The following CDYL variants were observed in gnomAD, a reference collection of about 807,000 sequenced individuals.
The protein encoded by CDYL is chromodomain Y-like protein.
Under a neutral mutation model 47.3 loss-of-function variants are expected in CDYL, and 8 were observed. The ratio of observed to expected loss-of-function variants is 0.17; its 90% CI spans 0.10 to 0.31. The LOEUF (loss-of-function observed/expected upper bound fraction) is 0.31. Among genes scored for constraint, CDYL ranks in the 10% least tolerant of loss-of-function variants. CDYL has a pLI of 1.00. For missense variants in CDYL, 471 were observed against 701.4 expected (o/e 0.67, Z 3.71); for synonymous variants, 266 against 265.0 (o/e 1.00, Z -0.04).
intron 1 of CDYL, among the ~76,000 whole-genome samples, chr6:4,821,386 T>C (rs1759833112): frequency 6.8e-6 from 1 of 148,066 alleles, no homozygotes; most frequent in Non-Finnish European, 1.5e-5. Context: ...CAAGTGATTC[T>C]CCTGCCTCAG....
intron 1 of CDYL, among the ~76,000 whole-genome samples, chr6:4,808,025 C>T (rs1218942402): frequency 6.6e-6 from 1 of 152,036 alleles, no homozygotes; most frequent in Non-Finnish European, 1.5e-5. Context: ...CAGTTTGGGT[C>T]CTATGTCCTT....
intron 1 of CDYL, among the ~76,000 whole-genome samples, chr6:4,801,912 A>G (rs1368339449): frequency 6.6e-6 from 1 of 152,220 alleles, no homozygotes; most frequent in Non-Finnish European, 1.5e-5. Flanking sequence ...TGGTTTCCTC[A>G]GCACATATGT....
At chr6:4,819,160 C>CTGTG (rs1242099604) in intron 1 of CDYL, among the ~76,000 whole-genome samples, 3 of 124,032 alleles carry the variant, frequency 2.4e-5, no homozygotes, top group African/African-American at 8.9e-5. Context: ...CTCTCTCTCT[C>CTGTG]TCTGTGTGTG....
intron 2 of CDYL, among the ~76,000 whole-genome samples, chr6:4,907,643 T>C (rs1392256122): frequency 1.3e-5 from 2 of 152,324 alleles, no homozygotes; most frequent in South Asian, 2.1e-4. Flanking sequence ...CCAAAGTGCC[T>C]GTAATAGGCA....
intron 4 of CDYL, among the ~76,000 whole-genome samples, chr6:4,938,231 TTG>T (rs1227592681): frequency 8.3e-6 from 1 of 121,168 alleles, no homozygotes; most frequent in African/African-American, 2.8e-5. Context: ...GTTTTTTTTG[TTG>T]TTTTTTTTTT....
At chr6:4,944,922 C>T (rs1216612823) in intron 5 of CDYL, among the ~76,000 whole-genome samples, 2 of 152,142 alleles carry the variant, frequency 1.3e-5, no homozygotes, top group Non-Finnish European at 2.9e-5. Context: ...TTCGTCGCTG[C>T]GTGGGATTTC....
rs1210410040 is a variant in CDYL, at chr6:4,894,896, T to TAC, written c.691+2522_691+2523dup. ...ACACATGTGTATGTGTGTGTATATATACACACGTACGTGTGTATATATACA... is the reference window on the plus strand; with the variant it reads ...ACACATGTGTATGTGTGTGTATATATACACACACGTACGTGTGTATATATACA... On this transcript the variant is annotated intron_variant, in intron 2 of 6. Coordinates refer to ENST00000397588, the MANE Select transcript of CDYL (RefSeq NM_004824.4). 4.7e-5 allele frequency among the ~76,000 whole-genome samples: 7 copies of TAC among 150,372 alleles called. No individual in the cohort carries two copies. The East Asian group carries it at 1.2e-3, about 25-fold the overall frequency.
chr6:4,808,203 C>T (rs1207229697), intron 1 of CDYL, among the ~76,000 whole-genome samples: 9 of 152,176 alleles, frequency 5.9e-5, no homozygotes, highest in Admixed American at 5.9e-4. Flanking sequence ...GTGCTTGTTG[C>T]CGTTGCCTCT....
chr6:4,854,338 C>T (rs1760941976), intron 1 of CDYL, among the ~76,000 whole-genome samples: 1 of 152,206 alleles, frequency 6.6e-6, no homozygotes, highest in Non-Finnish European at 1.5e-5. Flanking sequence ...GTTCACATCA[C>T]CCTGTTTATG....
At chr6:4,761,026 A>G (rs534089093) in intron 3 of CDYL, among the ~76,000 whole-genome samples, 14 of 152,322 alleles carry the variant, frequency 9.2e-5, no homozygotes, top group Middle Eastern at 3.4e-3. Context: ...TCTTCTGACT[A>G]TATTTCCAAC....
At chr6:4,907,039 T>C (rs1002592945) in intron 2 of CDYL, among the ~76,000 whole-genome samples, 1 of 152,244 alleles carries the variant, frequency 6.6e-6, no homozygotes, top group African/African-American at 2.4e-5. Context: ...CACTGGGTTT[T>C]CTTGATTATA....
chr6:4,779,956 G>GT (rs922620219), intron 1 of CDYL, among the ~76,000 whole-genome samples: 9 of 151,918 alleles, frequency 5.9e-5, no homozygotes, highest in South Asian at 2.1e-4. Context: ...ACACATTTGT[G>GT]TTTTTTTTCC....
At chr6:4,868,229 A>G (rs1045831667) in intron 1 of CDYL, among the ~76,000 whole-genome samples, 2 of 151,910 alleles carry the variant, frequency 1.3e-5, no homozygotes, top group African/African-American at 4.8e-5. Flanking sequence ...CTTTTATGAC[A>G]TAAGTGTTTA....
rs141972005 is a variant in CDYL at position 4,822,815 on chromosome 6, G to A, written c.24+46008G>A. Reference sequence around the variant, plus strand: ...CAGTCATGTAGACAACAACAAAACCGTCCTGTGTTTTGTTGTTCAGATGTG... The same window carrying A: ...CAGTCATGTAGACAACAACAAAACCATCCTGTGTTTTGTTGTTCAGATGTG... On this transcript the variant is annotated intron_variant, in intron 1 of 6. Coordinates refer to ENST00000397588, the MANE Select transcript of CDYL (RefSeq NM_004824.4). Among the ~76,000 whole-genome samples the A allele has an allele frequency of 2.1e-4, 32 of 152,274 alleles. No individual in the cohort carries two copies. The East Asian group carries it at 5.6e-3, about 27-fold the overall frequency.
intron 3 of CDYL, 137 bp from the exon 4 acceptor site, chr6:4,937,428 A>C (rs9502253): frequency 0.84 from 485,027 of 580,066 alleles, 203,324 homozygotes; most frequent in Non-Finnish European, 0.86. Flanking sequence ...CCCAGGAGTT[A>C]GAGAGCACAG....
intron 2 of CDYL, 23 bp downstream of exon 2, chr6:4,892,402 A>G (rs1430652285): frequency 1.3e-6 from 2 of 1,576,820 alleles, no homozygotes; most frequent in Admixed American, 1.7e-5. Flanking sequence ...GGAGCTGCTC[A>G]GGCTCCGTGG....
intron 1 of CDYL, among the ~76,000 whole-genome samples, chr6:4,777,181 C>T (rs114380137): frequency 0.015 from 2,237 of 149,910 alleles, 62 homozygotes; most frequent in African/African-American, 0.054. Flanking sequence ...GGGGGGGTTT[C>T]TGGATCATTT....
intron 1 of CDYL, among the ~76,000 whole-genome samples, chr6:4,789,572 A>G (rs908305886): frequency 3.3e-5 from 5 of 152,156 alleles, no homozygotes; most frequent in African/African-American, 9.7e-5. Flanking sequence ...TACCCAGTAC[A>G]GTCCTTGAGG....
chr6:4,933,253 C>T (rs991323792), intron 2 of CDYL, among the ~76,000 whole-genome samples: 1 of 152,102 alleles, frequency 6.6e-6, no homozygotes, highest in Non-Finnish European at 1.5e-5. Flanking sequence ...TCTCTCCAAC[C>T]CTGACTTCCC....
Sources: allele counts gnomAD v4.1 joint callset (sites outside exome capture counted in the v4.1 genomes callset), GRCh38; gene constraint gnomAD v4.1.1; transcripts MANE v1.5; gene names NCBI Gene and HGNC (gene_info 2026-07-23, HGNC 2026-07-21).